TNPO1: variants seen among roughly 807,000 people sequenced by gnomAD.
TNPO1 encodes the protein transportin 1.
In TNPO1, 8 loss-of-function variants were observed where a neutral mutation model predicts 119.5. The observed-to-expected ratio is 0.07, with a 90% CI of 0.04 to 0.12. The LOEUF is 0.12. Among genes scored for constraint, TNPO1 ranks in the 10% least tolerant of loss-of-function variants. TNPO1 has a pLI of 1.00. For missense variants in TNPO1, 576 were observed against 1,089.8 expected, an observed-to-expected ratio of 0.53 and a Z score of 6.64; for synonymous variants, 362 against 363.0, an observed-to-expected ratio of 1.00 and a Z score of 0.03.
intron 1 of TNPO1, among the ~76,000 whole-genome samples, chr5:72,818,006 C>G (rs1743778096): frequency 6.6e-6 from 1 of 152,190 alleles, no homozygotes; most frequent in Admixed American, 6.5e-5. Context: ...AATTAGCAAC[C>G]ACAAAAGGGA....
At position 72,911,609 on chromosome 5, in the gene TNPO1, T is replaced by C. The variant is rs1220327063; in HGVS notation, c.*2936T>C. 1 of 152,580 alleles carries C rather than the reference T, an allele frequency of 6.6e-6. No homozygotes were observed. Among genetic ancestry groups the C allele is most frequent in the Non-Finnish European group, 1.5e-5 (1 of 67,964 alleles). The allele number at this position is 152,580 out of a possible 1,614,324, so 9.5% of individuals were successfully genotyped here. A position where few individuals can be genotyped will look rare whatever the true frequency, so the allele number is the denominator to read the frequency against. ...TTCTTGTGGTGTAGTCTTAATAGTTTTGAATGTTGACTGAATGTCTATAAA... is the reference window on the plus strand; with the variant it reads ...TTCTTGTGGTGTAGTCTTAATAGTTCTGAATGTTGACTGAATGTCTATAAA... On this transcript the variant is annotated 3_prime_UTR_variant, in exon 25 of 25. Coordinates refer to ENST00000337273, the MANE Select transcript of TNPO1 (RefSeq NM_002270.4).
At chr5:72,829,310 G>T (rs1404622676) in intron 1 of TNPO1, among the ~76,000 whole-genome samples, 1 of 152,172 alleles carries the variant, frequency 6.6e-6, no homozygotes, top group Non-Finnish European at 1.5e-5. Flanking sequence ...AAAGACTTCC[G>T]TTGGATAGAA....
intron 23 of TNPO1, among the ~76,000 whole-genome samples, chr5:72,904,010 G>A (rs931085306): frequency 1.3e-5 from 2 of 152,164 alleles, no homozygotes; most frequent in African/African-American, 2.4e-5. Context: ...TTTCCCAAGT[G>A]TACCACTAGT....
At chr5:72,845,952 A>G (rs1745106534) in intron 1 of TNPO1, among the ~76,000 whole-genome samples, 2 of 152,142 alleles carry the variant, frequency 1.3e-5, no homozygotes. Flanking sequence ...CTCCAACTCT[A>G]ATATTACTAA....
chr5:72,893,560 A>T (rs779138075), intron 17 of TNPO1, 25 bp downstream of exon 17: 1 of 1,614,190 alleles, frequency 6.2e-7, no homozygotes, highest in East Asian at 2.2e-5. Flanking sequence ...GTGAAAATGA[A>T]TTGAAGCCTG....
At chr5:72,896,679 G>T in intron 19 of TNPO1, 123 bp downstream of exon 19, 1 of 629,762 alleles carries the variant, frequency 1.6e-6, no homozygotes, top group Non-Finnish European at 2.6e-6. Flanking sequence ...AGACCAGCCT[G>T]GTTGACATGG....
intron 1 of TNPO1, among the ~76,000 whole-genome samples, chr5:72,834,168 C>T (rs1032239808): frequency 3.9e-5 from 6 of 151,964 alleles, no homozygotes; most frequent in African/African-American, 1.5e-4. Flanking sequence ...CCTGCACTGC[C>T]AGTTATATAA....
At chr5:72,868,850 T>TA (rs762664216) in intron 6 of TNPO1, among the ~76,000 whole-genome samples, 27 of 151,950 alleles carry the variant, frequency 1.8e-4, no homozygotes, top group Non-Finnish European at 2.8e-4. Flanking sequence ...CTACTAAAGA[T>TA]ACAAAAAATT....
At chr5:72,886,124 G>GA (rs1245108231) in intron 11 of TNPO1, among the ~76,000 whole-genome samples, 2 of 152,040 alleles carry the variant, frequency 1.3e-5, no homozygotes, top group African/African-American at 4.8e-5. Flanking sequence ...TGAACTTCAG[G>GA]AACACGTTCC....
At chr5:72,886,888 C>CAAAAAAAAAAAAAAAAA (rs5868651) in intron 11 of TNPO1, among the ~76,000 whole-genome samples, 182 bp from the exon 12 acceptor site, 1 of 70,374 alleles carries the variant, frequency 1.4e-5, no homozygotes, top group Non-Finnish European at 2.7e-5. Flanking sequence ...GACTCCATCT[C>CAAAAAAAAAAAAAAAAA]AAAAAAAAAA....
chr5:72,902,542 T>C (rs1323911989), intron 22 of TNPO1, among the ~76,000 whole-genome samples: 1 of 152,030 alleles, frequency 6.6e-6, no homozygotes, highest in Non-Finnish European at 1.5e-5. Context: ...AAGAACTTTG[T>C]GTGATCTCAA....
chr5:72,913,167 A>G lies in TNPO1; in HGVS notation c.*4494A>G, dbSNP rs1579962768. ...ATAATACCATGCAATATAGCGTTGT[A>G]TACCAACTTAGTGCATTTTATACTG... On this transcript the variant is annotated 3_prime_UTR_variant, in exon 25 of 25. Coordinates refer to ENST00000337273, the MANE Select transcript of TNPO1 (RefSeq NM_002270.4). 6.6e-6 allele frequency: 1 copy of G among 152,510 alleles called. No individual in the cohort carries two copies. Among genetic ancestry groups the G allele is most frequent in the Non-Finnish European group, 1.5e-5 (1 of 67,930 alleles). The allele number at this position is 152,510 out of a possible 1,614,324, so 9.4% of individuals were successfully genotyped here. A position where few individuals can be genotyped will look rare whatever the true frequency, so the allele number is the denominator to read the frequency against.
chr5:72,828,116 A>G (rs946224087), intron 1 of TNPO1, among the ~76,000 whole-genome samples: 5 of 152,076 alleles, frequency 3.3e-5, no homozygotes, highest in Non-Finnish European at 5.9e-5. Context: ...GAAGGAGACA[A>G]AGAGCAGCCA....
rs1341564555 is a variant in TNPO1, at chr5:72,888,175, C to T, written c.1401C>T (p.Cys467=). 5 of 1,614,048 alleles carry T rather than the reference C, an allele frequency of 3.1e-6. No homozygotes were observed. The African/African-American group carries it at 4.0e-5, about 13-fold the overall frequency. Residue 467 remains cysteine, a synonymous_variant, in exon 13 of 25, where the codon TGC becomes TGT. Transcript: ENST00000337273. ...DKKALVRSIT[C]WTLSRYAHWV... ...AGGCTCTTGTGCGTTCCATAACATG[C>T]TGGACTCTTAGCCGCTATGCACACT...
intron 6 of TNPO1, among the ~76,000 whole-genome samples, chr5:72,869,298 G>C (rs932857127): frequency 6.6e-6 from 1 of 152,134 alleles, no homozygotes; most frequent in Non-Finnish European, 1.5e-5. Flanking sequence ...TGTAATCCCA[G>C]CACTTTGGGA....
At chr5:72,873,435 A>T (rs1245043160) in intron 7 of TNPO1, among the ~76,000 whole-genome samples, 1 of 152,098 alleles carries the variant, frequency 6.6e-6, no homozygotes, top group Non-Finnish European at 1.5e-5. Context: ...GGGTTACGTT[A>T]CTTTTTTTCT....
At chr5:72,887,463 G>A (rs1291182098) in intron 12 of TNPO1, among the ~76,000 whole-genome samples, 1 of 152,218 alleles carries the variant, frequency 6.6e-6, no homozygotes, top group Non-Finnish European at 1.5e-5. Flanking sequence ...GCTTAGGCGG[G>A]TGGATTACCT....
intron 6 of TNPO1, among the ~76,000 whole-genome samples, chr5:72,869,033 A>T (rs1404067403): frequency 1.3e-5 from 2 of 152,196 alleles, no homozygotes; most frequent in Admixed American, 1.3e-4. Flanking sequence ...TTTATAACAT[A>T]TTGCAATGAA....
intron 6 of TNPO1, among the ~76,000 whole-genome samples, chr5:72,872,177 C>T (rs1747452798): frequency 6.6e-6 from 1 of 152,052 alleles, no homozygotes. Context: ...GAAATGAAAG[C>T]AGTGAGAAAT....
Sources: gnomAD v4.1 joint callset for allele counts (sites outside exome capture counted in the v4.1 genomes callset) on GRCh38, gnomAD v4.1.1 for gene constraint, MANE v1.5 for transcripts, NCBI Gene and HGNC (gene_info 2026-07-23, HGNC 2026-07-21) for gene names.